CSMD1: variants seen among roughly 807,000 people sequenced by gnomAD.
The protein encoded by CSMD1 is CUB and sushi domain-containing protein 1.
Under a neutral mutation model 417.5 loss-of-function variants are expected in CSMD1, and 213 were observed. That is an observed-to-expected ratio of 0.51 (90% confidence interval 0.46 to 0.57). The LOEUF (loss-of-function observed/expected upper bound fraction) is 0.57, where lower values mean the gene tolerates loss of function less well. Ranked by LOEUF, CSMD1 falls within the 20% of genes least tolerant of loss-of-function variation. CSMD1 has a pLI of 0.00. For missense variants in CSMD1, 6,923 were observed against 4,529.7 expected (o/e 1.53, Z -15.17); for synonymous variants, 2,862 against 1,736.8 (o/e 1.65, Z -16.11).
At chr8:3,422,068 G>C (rs936970675) in intron 12 of CSMD1, among the ~76,000 whole-genome samples, 1 of 152,016 alleles carries the variant, frequency 6.6e-6, no homozygotes, top group African/African-American at 2.4e-5. Context: ...TCCTAGCGTG[G>C]ATTCTATCAT....
At chr8:4,747,318 T>A (rs1238816616) in intron 1 of CSMD1, among the ~76,000 whole-genome samples, 1 of 152,246 alleles carries the variant, frequency 6.6e-6, no homozygotes, top group Non-Finnish European at 1.5e-5. Context: ...TTCTCATTTA[T>A]TTCATAAATA....
intron 3 of CSMD1, among the ~76,000 whole-genome samples, chr8:4,318,586 T>G (rs945334138): frequency 8.5e-5 from 13 of 152,198 alleles, no homozygotes; most frequent in African/African-American, 3.1e-4. Flanking sequence ...AAAAACATGT[T>G]GATTGAAATG....
At chr8:3,994,869 G>T (rs1047362328) in intron 5 of CSMD1, among the ~76,000 whole-genome samples, 1 of 152,124 alleles carries the variant, frequency 6.6e-6, no homozygotes, top group African/African-American at 2.4e-5. Context: ...AGCTTCTTCT[G>T]AGAGTGCCCT....
intron 3 of CSMD1, 39 bp downstream of exon 3, chr8:4,419,914 G>T: frequency 7.8e-7 from 1 of 1,275,848 alleles, no homozygotes; most frequent in South Asian, 1.3e-5. Flanking sequence ...AGATCATTTG[G>T]ACAGTGAATG....
chr8:4,810,669 A>G (rs1370288560), intron 1 of CSMD1, among the ~76,000 whole-genome samples: 1 of 152,244 alleles, frequency 6.6e-6, no homozygotes, highest in Non-Finnish European at 1.5e-5. Flanking sequence ...AATTTCATAG[A>G]AACTTTATAA....
At chr8:4,277,142 G>C (rs563039233) in intron 3 of CSMD1, among the ~76,000 whole-genome samples, 1 of 151,964 alleles carries the variant, frequency 6.6e-6, no homozygotes, top group Admixed American at 6.6e-5. Context: ...TTACTATATA[G>C]AGCCATAGTT....
At chr8:4,225,668 G>C (rs911647622) in intron 3 of CSMD1, among the ~76,000 whole-genome samples, 1 of 152,098 alleles carries the variant, frequency 6.6e-6, no homozygotes, top group Non-Finnish European at 1.5e-5. Flanking sequence ...CAGGAAAGTG[G>C]TGATGCCTTA....
chr8:4,407,688 T>C (rs1796397538), intron 3 of CSMD1, among the ~76,000 whole-genome samples: 1 of 152,226 alleles, frequency 6.6e-6, no homozygotes, highest in Non-Finnish European at 1.5e-5. Flanking sequence ...AATTTAAATT[T>C]GTTATCACGA....
intron 10 of CSMD1, among the ~76,000 whole-genome samples, chr8:3,566,671 T>A (rs1001779415): frequency 6.6e-6 from 1 of 152,008 alleles, no homozygotes; most frequent in Non-Finnish European, 1.5e-5. Context: ...AGAAGCATAT[T>A]AAAAAAAGGT....
At chr8:3,611,492 A>G (rs1027903655) in intron 8 of CSMD1, among the ~76,000 whole-genome samples, 1 of 152,094 alleles carries the variant, frequency 6.6e-6, no homozygotes, top group South Asian at 2.1e-4. Context: ...TCTCTCACTT[A>G]TTTATAAAAA....
chr8:3,486,799 G>C (rs994206697), intron 11 of CSMD1, among the ~76,000 whole-genome samples: 2 of 152,222 alleles, frequency 1.3e-5, no homozygotes, highest in East Asian at 1.9e-4. Context: ...CTCCACTGCA[G>C]CTGCTAGCCC....
chr8:3,867,103 T>C (rs1249486048), intron 5 of CSMD1, among the ~76,000 whole-genome samples: 1 of 152,172 alleles, frequency 6.6e-6, no homozygotes, highest in Non-Finnish European at 1.5e-5. Flanking sequence ...ACCATTTTGA[T>C]TGATTGATTT....
chr8:4,242,669 CACAG>C (rs1405227709), intron 3 of CSMD1, among the ~76,000 whole-genome samples: 1 of 152,148 alleles, frequency 6.6e-6, no homozygotes, highest in Non-Finnish European at 1.5e-5. Context: ...CTTCCAGGTT[CACAG>C]ACCCCAATCC....
intron 2 of CSMD1, among the ~76,000 whole-genome samples, chr8:4,499,675 T>A (rs1447053105): frequency 1.3e-5 from 2 of 152,232 alleles, no homozygotes; most frequent in Non-Finnish European, 2.9e-5. Flanking sequence ...ATATCAGATT[T>A]TAGTGAATAA....
chr8:3,402,025 C>G (rs1812069005), intron 15 of CSMD1, among the ~76,000 whole-genome samples: 1 of 151,912 alleles, frequency 6.6e-6, no homozygotes, highest in South Asian at 2.1e-4. Context: ...AATACACACA[C>G]ACACATACAC....
intron 1 of CSMD1, among the ~76,000 whole-genome samples, chr8:4,738,244 G>C (rs1023845342): frequency 2.0e-5 from 3 of 152,164 alleles, no homozygotes; most frequent in Non-Finnish European, 2.9e-5. Context: ...TTATCCATCT[G>C]TATTAGTTCA....
chr8:3,772,417 A>ATATATACATATATACATATATC (rs1798639441), intron 5 of CSMD1, among the ~76,000 whole-genome samples: 2 of 120,444 alleles, frequency 1.7e-5, no homozygotes, highest in Non-Finnish European at 3.4e-5. Flanking sequence ...ATATATTTAT[A>ATATATACATATATACATATATC]TATACACATA....
At chr8:4,098,686 T>C (rs1418787253) in intron 3 of CSMD1, among the ~76,000 whole-genome samples, 2 of 152,168 alleles carry the variant, frequency 1.3e-5, no homozygotes, top group Non-Finnish European at 2.9e-5. Context: ...CAAATAAAGG[T>C]TCTCATCTCT....
In CSMD1 at chr8:3,872,584, G is replaced by C. The variant is rs185423601; in HGVS notation, c.819-118542C>G. On this transcript the variant is annotated intron_variant, in intron 5 of 69. Transcript: ENST00000635120. Reference sequence around the variant, plus strand: ...GTCTGTTTCAGAATTGCTTGATAGAGTTCAGTAAAAAGGCATTCATTTCAT... The same window carrying C: ...GTCTGTTTCAGAATTGCTTGATAGACTTCAGTAAAAAGGCATTCATTTCAT... Among the ~76,000 whole-genome samples the C allele has an allele frequency of 2.0e-3, 305 of 152,240 alleles. 1 individual carries two copies. The highest frequency in any genetic ancestry group is 3.6e-3 in the Non-Finnish European group (247 of 68,026).
Sources: gnomAD v4.1 joint callset for allele counts (sites outside exome capture counted in the v4.1 genomes callset) on GRCh38, gnomAD v4.1.1 for gene constraint, MANE v1.5 for transcripts, NCBI Gene and HGNC (gene_info 2026-07-23, HGNC 2026-07-21) for gene names.